Variants in LTBP2 observed in about 807,000 individuals in gnomAD.
LTBP2 encodes the protein latent-transforming growth factor beta-binding protein 2.
LTBP2 carries 103 observed loss-of-function variants against 210.6 expected under a neutral mutation model. The ratio of observed to expected loss-of-function variants is 0.49; its 90% CI spans 0.42 to 0.58. LTBP2 has a LOEUF of 0.58. Among genes scored for constraint, LTBP2 ranks in the 20% least tolerant of loss-of-function variants. LTBP2 has a pLI of 0.00. For synonymous variants in LTBP2, 1,007 were observed against 1,015.0 expected, an observed-to-expected ratio of 0.99 and a Z score of 0.15; for missense variants, 2,313 against 2,494.5, an observed-to-expected ratio of 0.93 and a Z score of 1.55.
chr14:74,598,525 G>A (rs781136573), intron 2 of LTBP2, among the ~76,000 whole-genome samples: 1 of 152,222 alleles, frequency 6.6e-6, no homozygotes. Flanking sequence ...GCTGCCTGCT[G>A]AGGGTGGTGA....
At chr14:74,557,753 G>A (rs1399356754) in intron 3 of LTBP2, among the ~76,000 whole-genome samples, 3 of 152,194 alleles carry the variant, frequency 2.0e-5, no homozygotes, top group Non-Finnish European at 4.4e-5. Context: ...ACTGTGGTGG[G>A]TGTAAGCGTA....
intron 3 of LTBP2, among the ~76,000 whole-genome samples, chr14:74,571,939 T>C (rs149814360): frequency 0.018 from 2,634 of 150,154 alleles, 44 homozygotes; most frequent in Non-Finnish European, 0.025. Flanking sequence ...CTTTCACAAA[T>C]ATTTTTGTAG....
intron 8 of LTBP2, among the ~76,000 whole-genome samples, chr14:74,542,485 G>A (rs1038471441): frequency 2.0e-5 from 3 of 152,230 alleles, no homozygotes; most frequent in African/African-American, 7.2e-5. Context: ...GTGATGACAG[G>A]TGCCTGCAGC....
chr14:74,507,930 C>T, intron 25 of LTBP2, 43 bp downstream of exon 25: 1 of 1,610,602 alleles, frequency 6.2e-7, no homozygotes, highest in Non-Finnish European at 8.5e-7. Context: ...TAGAGATGGG[C>T]AGATGTGGGC....
intron 10 of LTBP2, among the ~76,000 whole-genome samples, 191 bp downstream of exon 10, chr14:74,532,235 C>T (rs2087358980): frequency 6.6e-6 from 1 of 152,252 alleles, no homozygotes; most frequent in Admixed American, 6.5e-5. Context: ...GTAACCATCT[C>T]TGTTCCAGCA....
intron 9 of LTBP2, among the ~76,000 whole-genome samples, chr14:74,533,767 C>T (rs999147990): frequency 1.3e-5 from 2 of 152,174 alleles, no homozygotes; most frequent in Admixed American, 6.5e-5. Flanking sequence ...AGGGGGAAAC[C>T]CCCTTTTCCT....
At chr14:74,596,629 G>C (rs2088369033) in intron 2 of LTBP2, among the ~76,000 whole-genome samples, 1 of 152,218 alleles carries the variant, frequency 6.6e-6, no homozygotes, top group Non-Finnish European at 1.5e-5. Context: ...CAGGAGAGCT[G>C]TGACAGGGCC....
intron 2 of LTBP2, among the ~76,000 whole-genome samples, chr14:74,587,204 C>T (rs2088218881): frequency 6.6e-6 from 1 of 152,170 alleles, no homozygotes; most frequent in South Asian, 2.1e-4. Context: ...CTGGCTCACA[C>T]CGCACCCTCG....
chr14:74,501,684 C>T, intron 34 of LTBP2, 94 bp from the exon 35 acceptor site: 2 of 1,523,934 alleles, frequency 1.3e-6, no homozygotes, highest in East Asian at 2.3e-5. Flanking sequence ...CAAAGGGTGC[C>T]CCTGTGGAAC....
At chr14:74,594,416 C>A (rs1458963326) in intron 2 of LTBP2, among the ~76,000 whole-genome samples, 1 of 152,158 alleles carries the variant, frequency 6.6e-6, no homozygotes, top group Non-Finnish European at 1.5e-5. Flanking sequence ...CTGGGCCCAG[C>A]CCCCCATTCC....
intron 3 of LTBP2, among the ~76,000 whole-genome samples, chr14:74,566,465 C>T (rs190086614): frequency 1.3e-5 from 2 of 152,344 alleles, no homozygotes; most frequent in South Asian, 2.1e-4. Context: ...GCTTAACATG[C>T]CCTGTGTTTC....
Position 74,598,360 on chromosome 14 carries a change from C to T in LTBP2, c.565+5275G>A, listed in dbSNP as rs566719087. Among the ~76,000 whole-genome samples, 51 of 152,330 alleles carry T rather than the reference C, an allele frequency of 3.3e-4. 1 individual carries two copies. In the South Asian group the frequency reaches 0.01, roughly 30 times the overall value. ...AGAGAAATGCTCAGGCCCACTCCAG[C>T]GTCACCATCCCCAGGATCCCCTGAA... On this transcript the variant is annotated intron_variant, in intron 2 of 35. Transcript: ENST00000261978.
At chr14:74,579,006 C>A (rs1394011485) in intron 3 of LTBP2, among the ~76,000 whole-genome samples, 1 of 152,240 alleles carries the variant, frequency 6.6e-6, no homozygotes, top group Admixed American at 6.5e-5. Flanking sequence ...CAGGCGCCTG[C>A]CACCATGCCT....
intron 8 of LTBP2, among the ~76,000 whole-genome samples, chr14:74,548,487 G>C (rs1274996296): frequency 6.6e-6 from 1 of 152,120 alleles, no homozygotes; most frequent in Non-Finnish European, 1.5e-5. Flanking sequence ...TGGGGGCTTA[G>C]TCAATGTAAA....
At chr14:74,541,163 A>T (rs2087503463) in intron 8 of LTBP2, among the ~76,000 whole-genome samples, 1 of 151,422 alleles carries the variant, frequency 6.6e-6, no homozygotes, top group Non-Finnish European at 1.5e-5. Flanking sequence ...CTAGCTTTTG[A>T]GCTGAAAAAC....
intron 17 of LTBP2, among the ~76,000 whole-genome samples, chr14:74,518,236 G>A (rs1049617496): frequency 1.3e-5 from 2 of 152,218 alleles, no homozygotes; most frequent in African/African-American, 4.8e-5. Flanking sequence ...ATCCAGGTGA[G>A]GGGTTGAGCA....
At position 74,500,331 on chromosome 14, in the gene LTBP2, G is replaced by A. The variant is rs1459175211; in HGVS notation, c.*553C>T. ...GGGTCAGAGAATGGGCTACAGGATG[G>A]AGGTGTGGCAAAATCAGGGCCCAGA... On this transcript the variant is annotated 3_prime_UTR_variant, in exon 36 of 36. Transcript: ENST00000261978. The A allele has an allele frequency of 1.5e-5, 4 of 263,142 alleles. No homozygotes were observed. Among genetic ancestry groups the A allele is most frequent in the Non-Finnish European group, 3.0e-5 (4 of 135,202 alleles). 16.3% of individuals were successfully genotyped at this position (263,142 alleles called of 1,614,324 possible).
At chr14:74,546,245 C>T (rs1012535116) in intron 8 of LTBP2, among the ~76,000 whole-genome samples, 1 of 152,204 alleles carries the variant, frequency 6.6e-6, no homozygotes, top group African/African-American at 2.4e-5. Flanking sequence ...CCACTAGTGC[C>T]AGGGATGATC....
In LTBP2 at chr14:74,503,404, G is replaced by A. The variant is rs370062066; in HGVS notation, c.4721-18C>T. 1.7e-5 allele frequency: 28 copies of A among 1,610,716 alleles called. No individual in the cohort carries two copies. The highest frequency in any genetic ancestry group is 8.0e-5 in the African/African-American group (6 of 74,908). ...GAGGTCCTCTGGTGGCACAGGGCAC[G>A]GAGGCACATGAGCCCCCCAGCCCAG... On this transcript the variant is annotated intron_variant, in intron 32 of 35. Transcript: ENST00000261978.
Sources: gnomAD v4.1 joint callset for allele counts (sites outside exome capture counted in the v4.1 genomes callset) on GRCh38, gnomAD v4.1.1 for gene constraint, MANE v1.5 for transcripts, NCBI Gene and HGNC (gene_info 2026-07-23, HGNC 2026-07-21) for gene names.